The following PDZRN4 variants were observed in gnomAD, a reference collection of about 807,000 sequenced individuals.
PDZRN4 encodes the protein PDZ domain containing ring finger 4.
PDZRN4 carries 70 observed loss-of-function variants against 99.0 expected under a neutral mutation model. The observed-to-expected ratio is 0.71, with a 90% CI of 0.58 to 0.86. The LOEUF (loss-of-function observed/expected upper bound fraction) is 0.86, where lower values mean the gene tolerates loss of function less well. PDZRN4 is among the 40% of genes least tolerant of loss of function. The pLI is 0.00. For missense variants in PDZRN4, 1,474 were observed against 1,331.2 expected (o/e 1.11, Z -1.67); for synonymous variants, 551 against 501.6 (o/e 1.10, Z -1.32).
At chr12:41,236,577 A>G (rs1048148828) in intron 3 of PDZRN4, among the ~76,000 whole-genome samples, 2 of 152,156 alleles carry the variant, frequency 1.3e-5, no homozygotes, top group African/African-American at 4.8e-5. Flanking sequence ...AAGGTCAGTT[A>G]GGAGGCCTTT....
chr12:41,299,265 TGA>T (rs374747989), intron 3 of PDZRN4, among the ~76,000 whole-genome samples: 8 of 150,112 alleles, frequency 5.3e-5, no homozygotes, highest in African/African-American at 4.9e-5. Context: ...GAGAGTAAAA[TGA>T]GAGAGAGAGA....
chr12:41,256,599 A>G lies in PDZRN4; in HGVS notation c.843+62411A>G, dbSNP rs140059423. Among the ~76,000 whole-genome samples the G allele has an allele frequency of 4.5e-3, 683 of 152,238 alleles. 2 individuals carry two copies. The highest frequency in any genetic ancestry group is 6.6e-3 in the Non-Finnish European group (449 of 68,000). On this transcript the variant is annotated intron_variant, in intron 3 of 9. Coordinates refer to ENST00000402685, the MANE Select transcript of PDZRN4 (RefSeq NM_001164595.2). ...TTTAGGGCTTCCAGAACTGTGAGGA[A>G]TAAATTTATGTTGTTTACAAGATAC...
In PDZRN4 at chr12:41,197,920, G is replaced by GTTTTTTTTTTTT. The variant is rs533696414; in HGVS notation, c.843+3743_843+3744insTTTTTTTTTTTT. Among the ~76,000 whole-genome samples the GTTTTTTTTTTTT allele has an allele frequency of 3.5e-5, 4 of 115,598 alleles. 1 individual carries two copies. The highest frequency in any genetic ancestry group is 5.2e-5 in the Non-Finnish European group (3 of 57,752). 75.8% of individuals were successfully genotyped at this position (115,598 alleles called of 152,430 possible). A position where few individuals can be genotyped will look rare whatever the true frequency, so the allele number is the denominator to read the frequency against. On this transcript the variant is annotated intron_variant, in intron 3 of 9. Coordinates refer to ENST00000402685, the MANE Select transcript of PDZRN4 (RefSeq NM_001164595.2). The stretch of plus-strand genomic sequence containing the variant: ...TTCTTCTTTTCCTTGTTTTTTCTGG[G>GTTTTTTTTTTTT]TTTTTTTTTTTGGAGACAGGATCTT...
At chr12:41,232,164 C>T (rs561148203) in intron 3 of PDZRN4, among the ~76,000 whole-genome samples, 1 of 152,038 alleles carries the variant, frequency 6.6e-6, no homozygotes, top group African/African-American at 2.4e-5. Flanking sequence ...TACGGAACTG[C>T]ATGCTAAAAA....
intron 3 of PDZRN4, among the ~76,000 whole-genome samples, chr12:41,503,052 G>A (rs1475216262): frequency 6.6e-6 from 1 of 151,904 alleles, no homozygotes; most frequent in Non-Finnish European, 1.5e-5. Flanking sequence ...TCTTTTCTTG[G>A]GAAAGGCATA....
chr12:41,278,340 G>T (rs893931762), intron 3 of PDZRN4, among the ~76,000 whole-genome samples: 1 of 152,140 alleles, frequency 6.6e-6, no homozygotes, highest in African/African-American at 2.4e-5. Context: ...CCAAATTCAA[G>T]GAGACTTTTT....
intron 3 of PDZRN4, among the ~76,000 whole-genome samples, chr12:41,207,787 A>T (rs1007920387): frequency 2.0e-5 from 3 of 151,868 alleles, no homozygotes; most frequent in African/African-American, 7.2e-5. Flanking sequence ...ATTTCATCAG[A>T]ATAAACTTCA....
intron 3 of PDZRN4, among the ~76,000 whole-genome samples, chr12:41,497,450 G>C (rs1938029551): frequency 6.6e-6 from 1 of 152,052 alleles, no homozygotes; most frequent in Non-Finnish European, 1.5e-5. Context: ...TCACAACTCA[G>C]TGAATAGGTT....
intron 3 of PDZRN4, among the ~76,000 whole-genome samples, chr12:41,439,016 G>A (rs1952655108): frequency 6.6e-6 from 1 of 152,134 alleles, no homozygotes; most frequent in African/African-American, 2.4e-5. Context: ...ATTTCCCCCT[G>A]ACGTGATTCA....
chr12:41,572,404 C>T lies in PDZRN4; in HGVS notation c.1625C>T (p.Ala542Val). 1 of 1,614,068 alleles carries T rather than the reference C, an allele frequency of 6.2e-7. No individual in the cohort carries two copies. Among genetic ancestry groups the T allele is most frequent in the Non-Finnish European group, 8.5e-7 (1 of 1,179,970 alleles). The change falls in exon 10 of 10, where the codon GCA becomes GTA. Residue 542 changes from alanine (A) to valine (V), a missense_variant. Transcript: ENST00000402685. ...GAAGAAGAAGGCACAACAGACACTG[C>T]AACATCCTCATCCAACAACCATGAG... ...QEEEEGTTDT[A>V]TSSSNNHEKD...
chr12:41,209,917 A>G lies in PDZRN4; in HGVS notation c.843+15729A>G, dbSNP rs200686825. ...TCTTGTTCTAGATCCCTGAGGAATC[A>G]CCACACTGACTTCCACAATGGTTGA... On this transcript the variant is annotated intron_variant, in intron 3 of 9. Transcript: ENST00000402685. Among the ~76,000 whole-genome samples, 780 of 147,174 alleles carry G rather than the reference A, an allele frequency of 5.3e-3. 8 individuals carry two copies. Among genetic ancestry groups the G allele is most frequent in the African/African-American group, 0.017 (704 of 40,482 alleles).
chr12:41,514,176 G>A (rs1417646209), intron 5 of PDZRN4, among the ~76,000 whole-genome samples: 1 of 152,012 alleles, frequency 6.6e-6, no homozygotes, highest in African/African-American at 2.4e-5. Flanking sequence ...CATGTTAACC[G>A]AAAACCAAAC....
intron 5 of PDZRN4, among the ~76,000 whole-genome samples, chr12:41,516,407 C>T (rs1938401334): frequency 6.6e-6 from 1 of 151,974 alleles, no homozygotes; most frequent in Non-Finnish European, 1.5e-5. Context: ...TATAAGTCCC[C>T]AAAACAAGTA....
At chr12:41,222,079 G>A (rs1038141794) in intron 3 of PDZRN4, among the ~76,000 whole-genome samples, 2 of 152,122 alleles carry the variant, frequency 1.3e-5, no homozygotes, top group Admixed American at 1.3e-4. Flanking sequence ...TGGTGGTGGT[G>A]GGTTGGCACC....
intron 3 of PDZRN4, among the ~76,000 whole-genome samples, chr12:41,292,579 A>C (rs1362445664): frequency 6.6e-6 from 1 of 152,140 alleles, no homozygotes; most frequent in African/African-American, 2.4e-5. Flanking sequence ...GGGTAGAATT[A>C]GTGTCTGGAA....
Position 41,194,082 on chromosome 12 carries a change from A to T in PDZRN4, c.737A>T (p.Asn246Ile). 1.4e-6 allele frequency: 2 copies of T among 1,396,964 alleles called. No individual in the cohort carries two copies. The highest frequency in any genetic ancestry group is 2.0e-6 in the Non-Finnish European group (2 of 997,668). 86.5% of individuals were successfully genotyped at this position (1,396,964 alleles called of 1,614,324 possible). A position where few individuals can be genotyped will look rare whatever the true frequency, so the allele number is the denominator to read the frequency against. ...CTGCTAATGATTTTTTAAAAATAGA[A>T]TAATCAGGAAGGAACATCGACTGAA... ...FNIIGGRPNQNNQEGTSTEGI... is the reference protein window; with the variant it reads ...FNIIGGRPNQINQEGTSTEGI... The change falls in exon 3 of 10, where the codon AAT (asparagine) becomes ATT (isoleucine). Residue 246 changes from asparagine (N) to isoleucine (I), a missense_variant and splice_region_variant. By Grantham distance (149) the Asn-to-Ile change is moderately radical. Coordinates refer to ENST00000402685, the MANE Select transcript of PDZRN4 (RefSeq NM_001164595.2).
intron 3 of PDZRN4, among the ~76,000 whole-genome samples, chr12:41,224,314 A>G (rs1950978519): frequency 6.6e-6 from 1 of 152,210 alleles, no homozygotes; most frequent in Non-Finnish European, 1.5e-5. Context: ...TGTGCCATGA[A>G]TCTCTTAACC....
intron 3 of PDZRN4, among the ~76,000 whole-genome samples, chr12:41,318,902 A>C (rs998221178): frequency 6.6e-6 from 1 of 152,112 alleles, no homozygotes; most frequent in South Asian, 2.1e-4. Context: ...ATAATTTGGA[A>C]AGTGGCCTGT....
At chr12:41,506,368 A>G in intron 3 of PDZRN4, 88 bp from the exon 4 acceptor site, 1 of 1,296,918 alleles carries the variant, frequency 7.7e-7, no homozygotes, top group Non-Finnish European at 1.1e-6. Context: ...GGGCTGGTTG[A>G]AACCTTTCTC....
Sources: allele counts gnomAD v4.1 joint callset (sites outside exome capture counted in the v4.1 genomes callset), GRCh38; gene constraint gnomAD v4.1.1; transcripts MANE v1.5; gene names NCBI Gene and HGNC (gene_info 2026-07-23, HGNC 2026-07-21).